Variants in AP3B1 observed in about 807,000 individuals in gnomAD.
The protein encoded by AP3B1 is adaptor related protein complex 3 subunit beta 1, also known as AP-3 complex subunit beta-1.
Under a neutral mutation model 132.5 loss-of-function variants are expected in AP3B1, and 61 were observed. That is an observed-to-expected ratio of 0.46 (90% CI 0.37 to 0.57). AP3B1 has a LOEUF of 0.57. Among genes scored for constraint, AP3B1 ranks in the 20% least tolerant of loss-of-function variants. The probability of loss-of-function intolerance (pLI) is 0.00; values close to 1 mark genes in which losing one functional copy is unlikely to be tolerated. For synonymous variants in AP3B1, 388 were observed against 438.3 expected (o/e 0.89, Z 1.43); for missense variants, 1,120 against 1,289.4 (o/e 0.87, Z 2.01).
chr5:78,133,292 AAGTT>A (rs1219843594), intron 15 of AP3B1, among the ~76,000 whole-genome samples: 1 of 152,234 alleles, frequency 6.6e-6, no homozygotes, highest in African/African-American at 2.4e-5. Context: ...TAAAAGGAAG[AAGTT>A]AGTTATGTTA....
chr5:78,191,568 G>A (rs1744836389), intron 7 of AP3B1, among the ~76,000 whole-genome samples: 1 of 152,010 alleles, frequency 6.6e-6, no homozygotes, highest in African/African-American at 2.4e-5. Context: ...TCAGATAAAA[G>A]CCCAGCTTAA....
In AP3B1 at chr5:78,110,263, C is replaced by T. The variant is rs532221135; in HGVS notation, c.2341G>A (p.Asp781Asn). The part of the protein sequence containing the change: ...ESSSIEDSSS[D>N]SESESEPESE... ...TCAGGTTCTGACTCTGATTCAGAATCGGAAGAACTGTCTTCTATTGAACTA... is the reference window on the plus strand; with the variant it reads ...TCAGGTTCTGACTCTGATTCAGAATTGGAAGAACTGTCTTCTATTGAACTA... The change falls in exon 20 of 27, where the codon GAT becomes AAT. Residue 781 changes from aspartate to asparagine, a missense_variant. Asp to Asn is a conservative substitution (Grantham distance 23). Transcript: ENST00000255194. 3.2e-5 allele frequency: 52 copies of T among 1,608,860 alleles called. No homozygotes were observed. In the South Asian group the frequency reaches 4.0e-4, roughly 12 times the overall value.
At chr5:78,060,324 T>A (rs995246372) in intron 22 of AP3B1, among the ~76,000 whole-genome samples, 24 of 152,286 alleles carry the variant, frequency 1.6e-4, no homozygotes, top group African/African-American at 5.5e-4. Context: ...CAGGTCTATG[T>A]GAGAAAAGTG....
intron 22 of AP3B1, among the ~76,000 whole-genome samples, chr5:78,044,726 C>A (rs1325540798): frequency 6.6e-6 from 1 of 152,160 alleles, no homozygotes; most frequent in African/African-American, 2.4e-5. Context: ...CAAGCCTTGG[C>A]AGACTCACTG....
Position 78,110,230 on chromosome 5 carries a change from A to T in AP3B1, c.2374T>A (p.Ser792Thr), listed in dbSNP as rs1751514524. ...SESESEPESE[S>T]ESRRVTKEKE... ...ACCTTAGTGACTCTTCTGGATTCAG[A>T]TTCACTTTCAGGTTCTGACTCTGAT... The change falls in exon 20 of 27, where the codon TCT becomes ACT. Residue 792 changes from serine (S) to threonine (T), a missense_variant. Ser to Thr is a moderately conservative substitution (Grantham distance 58). Transcript: ENST00000255194. 6.2e-7 allele frequency: 1 copy of T among 1,607,006 alleles called. No individual in the cohort carries two copies. The highest frequency in any genetic ancestry group is 8.5e-7 in the Non-Finnish European group (1 of 1,175,844).
chr5:78,139,499 A>C (rs2112323386), intron 15 of AP3B1, among the ~76,000 whole-genome samples: 1 of 152,386 alleles, frequency 6.6e-6, no homozygotes, highest in South Asian at 2.1e-4. Context: ...TTCCTTTTAA[A>C]GATGACTTAA....
intron 1 of AP3B1, among the ~76,000 whole-genome samples, chr5:78,271,711 A>G (rs2112568259): frequency 6.6e-6 from 1 of 152,304 alleles, no homozygotes; most frequent in African/African-American, 2.4e-5. Flanking sequence ...CCAAATTCCT[A>G]AGGGGCCTGA....
intron 2 of AP3B1, among the ~76,000 whole-genome samples, chr5:78,262,117 T>C (rs1221201171): frequency 6.6e-6 from 1 of 152,356 alleles, no homozygotes; most frequent in East Asian, 1.9e-4. Flanking sequence ...TTATATATTC[T>C]GGATATCAAT....
At chr5:78,088,621 T>G (rs1212221906) in intron 22 of AP3B1, among the ~76,000 whole-genome samples, 2 of 152,212 alleles carry the variant, frequency 1.3e-5, no homozygotes, top group African/African-American at 4.8e-5. Context: ...CTGCCAGCCC[T>G]GAGAACCAGA....
intron 2 of AP3B1, among the ~76,000 whole-genome samples, chr5:78,262,214 CAA>C (rs532835701): frequency 3.2e-4 from 48 of 152,166 alleles, no homozygotes; most frequent in Non-Finnish European, 4.7e-4. Context: ...ATGATGCACA[CAA>C]GTTTTAATTT....
At chr5:78,179,926 A>G (rs1744297239) in intron 8 of AP3B1, among the ~76,000 whole-genome samples, 1 of 152,152 alleles carries the variant, frequency 6.6e-6, no homozygotes, top group Admixed American at 6.5e-5. Flanking sequence ...CCCAAACAAA[A>G]TGGGACCAGA....
chr5:78,200,688 A>G (rs544095049), intron 7 of AP3B1, among the ~76,000 whole-genome samples: 1 of 152,310 alleles, frequency 6.6e-6, no homozygotes, highest in East Asian at 1.9e-4. Flanking sequence ...ATAATTCTTT[A>G]TTAGAATACC....
At chr5:78,018,972 G>C (rs1746977504) in intron 25 of AP3B1, among the ~76,000 whole-genome samples, 1 of 152,066 alleles carries the variant, frequency 6.6e-6, no homozygotes, top group African/African-American at 2.4e-5. Flanking sequence ...CCAGCATCAA[G>C]TTCCACATCA....
At chr5:78,202,257 A>G (rs1745322491) in intron 7 of AP3B1, among the ~76,000 whole-genome samples, 2 of 152,118 alleles carry the variant, frequency 1.3e-5, no homozygotes, top group Admixed American at 1.3e-4. Context: ...TCTTTTGTAA[A>G]TTGCCCAGTC....
intron 21 of AP3B1, 50 bp from the exon 22 acceptor site, chr5:78,089,549 AT>A (rs1580331418): frequency 1.7e-6 from 2 of 1,194,924 alleles, no homozygotes; most frequent in Non-Finnish European, 2.5e-6. Context: ...TTTAATTCAA[AT>A]TATTAAAAGC....
intron 7 of AP3B1, among the ~76,000 whole-genome samples, chr5:78,205,273 C>T (rs986519252): frequency 1.3e-5 from 2 of 152,056 alleles, no homozygotes; most frequent in African/African-American, 2.4e-5. Flanking sequence ...TATAAACTCA[C>T]TAAAGAGATT....
intron 21 of AP3B1, among the ~76,000 whole-genome samples, chr5:78,098,199 A>G (rs372126272): frequency 0.046 from 6,949 of 151,656 alleles, 502 homozygotes; most frequent in African/African-American, 0.16. Context: ...TCACTTGTTT[A>G]TCTGCTGACC....
At chr5:78,203,395 C>T (rs1354974745) in intron 7 of AP3B1, among the ~76,000 whole-genome samples, 3 of 152,128 alleles carry the variant, frequency 2.0e-5, no homozygotes, top group Admixed American at 2.0e-4. Context: ...CCTTATAAAA[C>T]CATCAGATCT....
chr5:78,170,817 T>C (rs1743879840), intron 11 of AP3B1, among the ~76,000 whole-genome samples: 2 of 152,258 alleles, frequency 1.3e-5, no homozygotes, highest in African/African-American at 4.8e-5. Context: ...CATGCCTATG[T>C]CCTCAATGGT....
Sources: gnomAD v4.1 joint callset for allele counts (sites outside exome capture counted in the v4.1 genomes callset) on GRCh38, gnomAD v4.1.1 for gene constraint, MANE v1.5 for transcripts, NCBI Gene and HGNC (gene_info 2026-07-23, HGNC 2026-07-21) for gene names.